DCUN1D4: variants seen among roughly 807,000 people sequenced by gnomAD.
The protein encoded by DCUN1D4 is DCN1-like protein 4.
A neutral mutation model predicts 47.9 loss-of-function variants in DCUN1D4; 22 were observed. The observed-to-expected ratio is 0.46, with a 90% confidence interval of 0.33 to 0.66. DCUN1D4 has a LOEUF of 0.66. Ranked by LOEUF, DCUN1D4 falls within the 30% of genes least tolerant of loss-of-function variation. DCUN1D4 has a pLI of 0.02. For synonymous variants in DCUN1D4, 121 were observed against 112.2 expected, an observed-to-expected ratio of 1.08 and a Z score of -0.50; for missense variants, 301 against 340.8, an observed-to-expected ratio of 0.88 and a Z score of 0.92.
chr4:51,899,186 G>T, intron 7 of DCUN1D4, 84 bp from the exon 8 acceptor site: 4 of 1,426,808 alleles, frequency 2.8e-6, no homozygotes, highest in African/African-American at 3.0e-5. Context: ...TCTTTCCTTT[G>T]GTATTGTGTT....
intron 8 of DCUN1D4, among the ~76,000 whole-genome samples, chr4:51,901,318 C>T (rs553776010): frequency 6.6e-6 from 1 of 152,320 alleles, no homozygotes; most frequent in South Asian, 2.1e-4. Context: ...AGAAAGTGCG[C>T]TTCAGCAAAG....
chr4:51,849,794 T>A (rs1171080942), intron 1 of DCUN1D4, among the ~76,000 whole-genome samples: 1 of 152,162 alleles, frequency 6.6e-6, no homozygotes, highest in East Asian at 1.9e-4. Context: ...TTGTGCATTT[T>A]TTTTTTGGCT....
At chr4:51,871,904 G>T (rs2109963721) in intron 3 of DCUN1D4, among the ~76,000 whole-genome samples, 1 of 152,320 alleles carries the variant, frequency 6.6e-6, no homozygotes, top group Middle Eastern at 3.4e-3. Flanking sequence ...AATGGGGTGT[G>T]TGGGGTGGTG....
rs752691334 is a variant in DCUN1D4 at position 51,911,183 on chromosome 4, T to C, written c.720+9T>C. 2.7e-5 allele frequency: 43 copies of C among 1,604,622 alleles called. No individual in the cohort carries two copies. Among genetic ancestry groups the C allele is most frequent in the Non-Finnish European group, 3.1e-5 (37 of 1,174,854 alleles). ...TTCACCAATTCTTAGAGGTACCAAATTGTTGTTTTATGAAATGTATGTTTG... is the reference window on the plus strand; with the variant it reads ...TTCACCAATTCTTAGAGGTACCAAACTGTTGTTTTATGAAATGTATGTTTG... On this transcript the variant is annotated intron_variant, in intron 9 of 10. Transcript: ENST00000334635.
Position 51,864,549 on chromosome 4 carries a change from T to A in DCUN1D4, c.136+840T>A, listed in dbSNP as rs560662497. Among the ~76,000 whole-genome samples, 3 of 152,308 alleles carry A rather than the reference T, an allele frequency of 2.0e-5. No individual in the cohort carries two copies. In the East Asian group the frequency reaches 5.8e-4, roughly 29 times the overall value. On this transcript the variant is annotated intron_variant, in intron 3 of 10. Transcript: ENST00000334635. ...CTTGATTGTTCATGGTTCTGGAGACTGGTAAGTTTAAGGTGAAGGCACCAG... is the reference window on the plus strand; with the variant it reads ...CTTGATTGTTCATGGTTCTGGAGACAGGTAAGTTTAAGGTGAAGGCACCAG...
At chr4:51,843,340 C>G in intron 1 of DCUN1D4, 73 bp downstream of exon 1, 8 of 1,458,832 alleles carry the variant, frequency 5.5e-6, no homozygotes, top group Non-Finnish European at 7.3e-6. Flanking sequence ...TCCCGCAGTC[C>G]CCGCCCCACG....
At chr4:51,883,761 C>T (rs1729053575) in intron 5 of DCUN1D4, among the ~76,000 whole-genome samples, 1 of 152,100 alleles carries the variant, frequency 6.6e-6, no homozygotes, top group Non-Finnish European at 1.5e-5. Flanking sequence ...ATATACAATT[C>T]TATAGATGGC....
chr4:51,839,165 G>GA (rs1721568161), upstream of DCUN1D4, among the ~76,000 whole-genome samples: 1 of 143,078 alleles, frequency 7.0e-6, no homozygotes, highest in Non-Finnish European at 1.5e-5. Context: ...GAAGGAAGGA[G>GA]AAGGAAGGAA....
rs560199959 is a variant in DCUN1D4, at chr4:51,886,856, T to C, written c.414+218T>C. On this transcript the variant is annotated intron_variant, in intron 6 of 10. Coordinates refer to ENST00000334635, the MANE Select transcript of DCUN1D4 (RefSeq NM_001040402.3). ...TACAGTTATTTTTTCTCTCATTTAA[T>C]TTCTTGTATGTAAAAGGTACAGTAA... 16 of 519,700 alleles carry C rather than the reference T, an allele frequency of 3.1e-5. No homozygotes were observed. In the East Asian group the frequency reaches 3.8e-4, roughly 12 times the overall value. The allele number at this position is 519,700 out of a possible 1,614,324, so 32.2% of individuals were successfully genotyped here.
At chr4:51,835,667 G>C in the DCUN1D4 span, among the ~76,000 whole-genome samples, 14 of 152,066 alleles carry the variant, frequency 9.2e-5, no homozygotes, top group African/African-American at 3.4e-4. Context: ...GGAGGTCTGG[G>C]GCATTTCTGG....
At chr4:51,904,255 A>G (rs1732543697) in intron 8 of DCUN1D4, among the ~76,000 whole-genome samples, 1 of 152,132 alleles carries the variant, frequency 6.6e-6, no homozygotes, top group Admixed American at 6.5e-5. Context: ...GATTCTACCC[A>G]ATGCCTTGTG....
chr4:51,855,803 C>T (rs1169550406), intron 1 of DCUN1D4, among the ~76,000 whole-genome samples: 1 of 152,156 alleles, frequency 6.6e-6, no homozygotes, highest in Admixed American at 6.5e-5. Context: ...TGGGTCTCTG[C>T]TCCACATCGT....
At chr4:51,839,016 C>T (rs192067791), upstream of DCUN1D4, among the ~76,000 whole-genome samples, 403 of 151,888 alleles carry the variant, frequency 2.7e-3, 3 homozygotes, top group South Asian at 8.9e-3. Flanking sequence ...CAGAGGTTGC[C>T]GTGAATGGAG....
chr4:51,915,269 A>G lies in DCUN1D4; in HGVS notation c.*1685A>G, dbSNP rs1472804031. 4 of 152,594 alleles carry G rather than the reference A, an allele frequency of 2.6e-5. No individual in the cohort carries two copies. Among genetic ancestry groups the G allele is most frequent in the South Asian group, 2.1e-4 (1 of 4,834 alleles). 9.5% of individuals were successfully genotyped at this position (152,594 alleles called of 1,614,324 possible). Reference sequence around the variant, plus strand: ...GTGTGTGTATACAAAATCATGATATAGTAGAATGCAACTACTTTCTTTTTC... The same window carrying G: ...GTGTGTGTATACAAAATCATGATATGGTAGAATGCAACTACTTTCTTTTTC... On this transcript the variant is annotated 3_prime_UTR_variant, in exon 11 of 11. Transcript: ENST00000334635.
At chr4:51,903,283 A>T (rs1461419349) in intron 8 of DCUN1D4, among the ~76,000 whole-genome samples, 1 of 152,114 alleles carries the variant, frequency 6.6e-6, no homozygotes, top group Non-Finnish European at 1.5e-5. Context: ...ACTTCTGGGT[A>T]AAAAAATTCT....
chr4:51,879,677 T>G (rs1364760394), intron 5 of DCUN1D4, among the ~76,000 whole-genome samples: 1 of 152,262 alleles, frequency 6.6e-6, no homozygotes, highest in Non-Finnish European at 1.5e-5. Flanking sequence ...AAGAGCGTTC[T>G]CATATTCTTA....
At chr4:51,870,063 G>A (rs1449762740) in intron 3 of DCUN1D4, among the ~76,000 whole-genome samples, 5 of 152,166 alleles carry the variant, frequency 3.3e-5, no homozygotes, top group Admixed American at 3.3e-4. Context: ...TAAAACGTCA[G>A]CCTTAATATC....
chr4:51,894,011 G>A (rs765818376), intron 7 of DCUN1D4, among the ~76,000 whole-genome samples: 1 of 152,144 alleles, frequency 6.6e-6, no homozygotes, highest in African/African-American at 2.4e-5. Flanking sequence ...GAAGAGGTCT[G>A]CGTCTGCGTT....
chr4:51,904,012 G>T (rs1158290107), intron 8 of DCUN1D4, among the ~76,000 whole-genome samples: 4 of 151,644 alleles, frequency 2.6e-5, no homozygotes, highest in African/African-American at 4.8e-5. Flanking sequence ...TGAGTTACTT[G>T]CCCAGCTTCT....
Sources: allele counts gnomAD v4.1 joint callset (sites outside exome capture counted in the v4.1 genomes callset), GRCh38; gene constraint gnomAD v4.1.1; transcripts MANE v1.5; gene names NCBI Gene and HGNC (gene_info 2026-07-23, HGNC 2026-07-21).